Variants in RCOR1 observed in about 807,000 individuals in gnomAD.
RCOR1 encodes REST corepressor.
Under a neutral mutation model 64.0 loss-of-function variants are expected in RCOR1, and 12 were observed. That is an observed-to-expected ratio of 0.19 (90% confidence interval 0.12 to 0.30). RCOR1 has a LOEUF of 0.30. RCOR1 is among the 10% of genes least tolerant of loss of function. The probability of loss-of-function intolerance (pLI) is 1.00; values close to 1 mark genes in which losing one functional copy is unlikely to be tolerated. For synonymous variants in RCOR1, 279 were observed against 227.2 expected (o/e 1.23, Z -2.05); for missense variants, 502 against 621.2 (o/e 0.81, Z 2.04).
chr14:102,719,367 T>C (rs1168749425), intron 8 of RCOR1, among the ~76,000 whole-genome samples: 3 of 152,174 alleles, frequency 2.0e-5, no homozygotes, highest in African/African-American at 7.2e-5. Flanking sequence ...TCATTTACAT[T>C]AGGTATATCT....
chr14:102,663,322 G>A (rs1894860382), intron 2 of RCOR1, among the ~76,000 whole-genome samples: 1 of 152,196 alleles, frequency 6.6e-6, no homozygotes, highest in African/African-American at 2.4e-5. Context: ...TGTGAAAACA[G>A]ACTAATGCAA....
chr14:102,600,400 T>C (rs1208909827), intron 2 of RCOR1, among the ~76,000 whole-genome samples: 1 of 151,270 alleles, frequency 6.6e-6, no homozygotes, highest in Non-Finnish European at 1.5e-5. Flanking sequence ...GATTTTAGTT[T>C]TATTTTTTAT....
chr14:102,671,203 T>C (rs1895027020), intron 2 of RCOR1, among the ~76,000 whole-genome samples: 2 of 152,224 alleles, frequency 1.3e-5, no homozygotes, highest in Admixed American at 1.3e-4. Context: ...CTGTTCTGAC[T>C]CAGGTCATTG....
chr14:102,654,703 A>C (rs944432132), intron 2 of RCOR1, among the ~76,000 whole-genome samples: 2 of 152,044 alleles, frequency 1.3e-5, no homozygotes, highest in Admixed American at 6.6e-5. Flanking sequence ...CTGTCTCTAC[A>C]AGAAAATAAA....
chr14:102,730,319 TAAAG>T lies in RCOR1; in HGVS notation c.*3817_*3820del, dbSNP rs1186381316. 4 of 271,984 alleles carry T rather than the reference TAAAG, an allele frequency of 1.5e-5. No individual in the cohort carries two copies. The highest frequency in any genetic ancestry group is 8.7e-5 in the African/African-American group (4 of 45,916). The allele number at this position is 271,984 out of a possible 1,614,324, so 16.8% of individuals were successfully genotyped here. On this transcript the variant is annotated 3_prime_UTR_variant, in exon 12 of 12. Transcript: ENST00000262241. ...AGTGATGAAATCCACGTTGGAATTT[TAAAG>T]AAAATATGTTGTAATAATGCTGTTG... is the stretch of plus-strand genomic sequence containing the variant.
At chr14:102,666,097 G>A (rs1196860097) in intron 2 of RCOR1, among the ~76,000 whole-genome samples, 1 of 149,130 alleles carries the variant, frequency 6.7e-6, no homozygotes, top group Non-Finnish European at 1.5e-5. Flanking sequence ...TGATCCTTGA[G>A]GGGTCTTGAA....
chr14:102,596,684 C>T (rs1312774270), intron 2 of RCOR1, among the ~76,000 whole-genome samples: 1 of 151,674 alleles, frequency 6.6e-6, no homozygotes, highest in Non-Finnish European at 1.5e-5. Context: ...CCTGCCTCAG[C>T]CTCCAGAGTA....
intron 2 of RCOR1, among the ~76,000 whole-genome samples, chr14:102,604,721 G>T (rs1271044688): frequency 6.6e-6 from 1 of 152,100 alleles, no homozygotes; most frequent in African/African-American, 2.4e-5. Context: ...TAAGAATTCT[G>T]ATTTATAAGT....
intron 2 of RCOR1, among the ~76,000 whole-genome samples, chr14:102,616,987 C>G (rs1363412012): frequency 6.6e-6 from 1 of 152,172 alleles, no homozygotes; most frequent in African/African-American, 2.4e-5. Flanking sequence ...AGACACATTA[C>G]TTTGAAGATA....
At chr14:102,619,036 G>A (rs1366887788) in intron 2 of RCOR1, among the ~76,000 whole-genome samples, 1 of 152,174 alleles carries the variant, frequency 6.6e-6, no homozygotes, top group Non-Finnish European at 1.5e-5. Flanking sequence ...GTGGTGGAAG[G>A]TGAGATTGTG....
intron 2 of RCOR1, among the ~76,000 whole-genome samples, chr14:102,675,652 A>G (rs1895130022): frequency 1.3e-5 from 2 of 152,214 alleles, no homozygotes; most frequent in Admixed American, 1.3e-4. Context: ...ACCACAGTTG[A>G]TCATGGGTAA....
rs761099366 is a variant in RCOR1 at position 102,659,553 on chromosome 14, CA to C, written c.362-22341del. ...CGAGAGAGCTCTGGGCTGGAATAGGCATGGGGTCCTTGACACTATCACCTCT... is the reference window on the plus strand; with the variant it reads ...CGAGAGAGCTCTGGGCTGGAATAGGCTGGGGTCCTTGACACTATCACCTCT... On this transcript the variant is annotated intron_variant, in intron 2 of 11. Coordinates refer to ENST00000262241, the MANE Select transcript of RCOR1 (RefSeq NM_015156.4). Among the ~76,000 whole-genome samples, 3 of 152,164 alleles carry C rather than the reference CA, an allele frequency of 2.0e-5. No homozygotes were observed. In the South Asian group the frequency reaches 6.2e-4, roughly 32 times the overall value.
At chr14:102,616,222 G>GTA (rs1893757646) in intron 2 of RCOR1, among the ~76,000 whole-genome samples, 1 of 67,010 alleles carries the variant, frequency 1.5e-5, no homozygotes, top group Non-Finnish European at 3.2e-5. Context: ...GTGTGTGTGT[G>GTA]TGTGTGTGTG....
intron 2 of RCOR1, among the ~76,000 whole-genome samples, chr14:102,680,076 C>A (rs1195856128): frequency 6.6e-6 from 1 of 152,122 alleles, no homozygotes; most frequent in African/African-American, 2.4e-5. Flanking sequence ...TCTTTAGTTT[C>A]TCTCAGCAGT....
intron 2 of RCOR1, 120 bp downstream of exon 2, chr14:102,593,445 G>A (rs1394178371): frequency 1.8e-6 from 2 of 1,086,680 alleles, no homozygotes; most frequent in Non-Finnish European, 2.5e-6. Context: ...CCTGCCGTCC[G>A]TGGGGAGAAC....
At chr14:102,655,197 T>C in intron 2 of RCOR1, 1 of 957,664 alleles carries the variant, frequency 1.0e-6, no homozygotes, top group Non-Finnish European at 1.2e-6. Context: ...AATTAAAAGA[T>C]GCAAAAGGGT....
At chr14:102,594,480 GA>G (rs988269812) in intron 2 of RCOR1, among the ~76,000 whole-genome samples, 1 of 152,164 alleles carries the variant, frequency 6.6e-6, no homozygotes, top group African/African-American at 2.4e-5. Flanking sequence ...ACTTTGAAGT[GA>G]AAATACATAG....
intron 2 of RCOR1, among the ~76,000 whole-genome samples, chr14:102,608,980 A>G (rs77589511): frequency 0.019 from 2,489 of 133,024 alleles, 75 homozygotes; most frequent in African/African-American, 0.066. Flanking sequence ...AGGGGTATAT[A>G]TCTATTAGTG....
intron 3 of RCOR1, among the ~76,000 whole-genome samples, chr14:102,683,720 C>CG (rs760233899): frequency 2.0e-5 from 3 of 152,224 alleles, no homozygotes; most frequent in Non-Finnish European, 2.9e-5. Flanking sequence ...CCAGTGCGCT[C>CG]GGCCACGCTT....
Sources: allele counts gnomAD v4.1 joint callset (sites outside exome capture counted in the v4.1 genomes callset), GRCh38; gene constraint gnomAD v4.1.1; transcripts MANE v1.5; gene names NCBI Gene and HGNC (gene_info 2026-07-23, HGNC 2026-07-21).